The following GPC6 variants were observed in gnomAD, a reference collection of about 807,000 sequenced individuals.
The protein encoded by GPC6 is glypican 6.
A neutral mutation model predicts 55.2 loss-of-function variants in GPC6; 14 were observed. The ratio of observed to expected loss-of-function variants is 0.25; its 90% CI spans 0.17 to 0.40. The LOEUF is 0.40. GPC6 is among the 10% of genes least tolerant of loss of function. GPC6 has a pLI of 1.00. For missense variants in GPC6, 641 were observed against 708.5 expected (o/e 0.90, Z 1.08); for synonymous variants, 278 against 259.6 (o/e 1.07, Z -0.68).
intron 2 of GPC6, among the ~76,000 whole-genome samples, chr13:93,672,161 T>C (rs1475602917): frequency 1.4e-5 from 2 of 141,084 alleles, no homozygotes; most frequent in African/African-American, 2.5e-5. Context: ...TTTTTTTTTT[T>C]TTAGTAGCTA....
chr13:93,273,261 ATAT>A (rs1384400316), intron 1 of GPC6, among the ~76,000 whole-genome samples: 1 of 152,338 alleles, frequency 6.6e-6, no homozygotes, highest in Admixed American at 6.5e-5. Context: ...TTTAAGAGAG[ATAT>A]TATAAACATT....
At chr13:93,228,316 G>A (rs1021074133) in intron 1 of GPC6, among the ~76,000 whole-genome samples, 2 of 152,164 alleles carry the variant, frequency 1.3e-5, no homozygotes, top group African/African-American at 4.8e-5. Flanking sequence ...AGTTGCTGTT[G>A]GCCACTCAGG....
intron 1 of GPC6, among the ~76,000 whole-genome samples, chr13:93,237,463 G>C (rs1402917484): frequency 6.6e-6 from 1 of 152,064 alleles, no homozygotes. Flanking sequence ...GTAGATTATA[G>C]ATATTAGTCC....
intron 1 of GPC6, among the ~76,000 whole-genome samples, chr13:93,358,640 T>G (rs986109431): frequency 8.5e-5 from 13 of 152,230 alleles, no homozygotes; most frequent in African/African-American, 3.1e-4. Flanking sequence ...TATGCAGTCA[T>G]CAAATTTGCA....
chr13:93,800,724 T>C (rs1886342181), intron 2 of GPC6, among the ~76,000 whole-genome samples: 1 of 152,208 alleles, frequency 6.6e-6, no homozygotes. Context: ...GCAATGTGCA[T>C]AAAATGTTTT....
intron 1 of GPC6, among the ~76,000 whole-genome samples, chr13:93,352,001 C>A (rs991469204): frequency 1.3e-5 from 2 of 152,026 alleles, no homozygotes; most frequent in East Asian, 3.9e-4. Context: ...TAAAAGGAAA[C>A]CTGCAAAACT....
At chr13:93,337,871 G>A (rs1348871589) in intron 1 of GPC6, among the ~76,000 whole-genome samples, 1 of 152,144 alleles carries the variant, frequency 6.6e-6, no homozygotes, top group Non-Finnish European at 1.5e-5. Flanking sequence ...TATAGGTTCT[G>A]TTTTCCCTCT....
intron 8 of GPC6, among the ~76,000 whole-genome samples, chr13:94,402,646 G>A (rs151089763): frequency 1.3e-5 from 2 of 152,268 alleles, no homozygotes; most frequent in African/African-American, 4.8e-5. Context: ...GCCCGAGACT[G>A]GGTAATTTAT....
Position 93,842,165 on chromosome 13 carries a change from C to T in GPC6, c.711+11620C>T, listed in dbSNP as rs1463483302. The stretch of plus-strand genomic sequence containing the variant: ...TAGTAAGAAGTACACAATTTTATAA[C>T]GCTTTAAAAATTAGCAGAGAACCAA... On this transcript the variant is annotated intron_variant, in intron 3 of 8. Transcript: ENST00000377047. Among the ~76,000 whole-genome samples the T allele has an allele frequency of 5.3e-5, 8 of 152,176 alleles. No homozygotes were observed. The South Asian group carries it at 6.2e-4, about 12-fold the overall frequency.
At chr13:94,067,979 C>G (rs1202767481) in intron 4 of GPC6, among the ~76,000 whole-genome samples, 1 of 152,116 alleles carries the variant, frequency 6.6e-6, no homozygotes, top group East Asian at 1.9e-4. Context: ...AGTGGTGGCA[C>G]TTCATGAATT....
intron 3 of GPC6, among the ~76,000 whole-genome samples, chr13:93,912,516 G>A (rs1316850270): frequency 6.6e-6 from 1 of 152,122 alleles, no homozygotes; most frequent in Non-Finnish European, 1.5e-5. Context: ...GGCCAAGGCG[G>A]GCGGATCACA....
intron 4 of GPC6, among the ~76,000 whole-genome samples, chr13:94,119,375 G>T (rs545032326): frequency 2.6e-5 from 4 of 151,978 alleles, no homozygotes; most frequent in Non-Finnish European, 4.4e-5. Flanking sequence ...GGGGATGTTT[G>T]CTCCTTTAAA....
At chr13:94,152,311 G>T (rs1887769749) in intron 4 of GPC6, among the ~76,000 whole-genome samples, 1 of 152,122 alleles carries the variant, frequency 6.6e-6, no homozygotes, top group African/African-American at 2.4e-5. Flanking sequence ...ATTGGATTTG[G>T]AGACATATAA....
intron 2 of GPC6, among the ~76,000 whole-genome samples, chr13:93,576,740 G>A (rs9589782): frequency 0.033 from 4,983 of 152,042 alleles, 257 homozygotes; most frequent in African/African-American, 0.11. Flanking sequence ...TACAAGCTGA[G>A]GCCTTGAAAA....
At chr13:93,314,853 A>G (rs957646775) in intron 1 of GPC6, among the ~76,000 whole-genome samples, 2 of 152,190 alleles carry the variant, frequency 1.3e-5, no homozygotes, top group Middle Eastern at 3.4e-3. Context: ...TGCAAAGCCA[A>G]AGGATTACAT....
chr13:93,355,670 G>A (rs1241481328), intron 1 of GPC6, among the ~76,000 whole-genome samples: 1 of 152,166 alleles, frequency 6.6e-6, no homozygotes, highest in Non-Finnish European at 1.5e-5. Flanking sequence ...AGAAGTGATG[G>A]AACTAGAACT....
At chr13:93,246,178 G>A (rs1177957047) in intron 1 of GPC6, among the ~76,000 whole-genome samples, 1 of 152,238 alleles carries the variant, frequency 6.6e-6, no homozygotes, top group South Asian at 2.1e-4. Flanking sequence ...GTTATGCAAG[G>A]CGACTACATT....
intron 2 of GPC6, among the ~76,000 whole-genome samples, chr13:93,647,935 G>A (rs1196698196): frequency 6.6e-6 from 1 of 152,074 alleles, no homozygotes; most frequent in Admixed American, 6.6e-5. Flanking sequence ...CTAACCAGGG[G>A]TATGAAAGCA....
chr13:93,288,839 A>G (rs145104170), intron 1 of GPC6, among the ~76,000 whole-genome samples: 1 of 152,198 alleles, frequency 6.6e-6, no homozygotes, highest in Non-Finnish European at 1.5e-5. Flanking sequence ...AGGTGATTGA[A>G]GGGGTTACAG....
Sources: gnomAD v4.1 joint callset for allele counts (sites outside exome capture counted in the v4.1 genomes callset) on GRCh38, gnomAD v4.1.1 for gene constraint, MANE v1.5 for transcripts, NCBI Gene and HGNC (gene_info 2026-07-23, HGNC 2026-07-21) for gene names.